CENPK: variants seen among roughly 807,000 people sequenced by gnomAD.
CENPK encodes centromere protein K.
In CENPK, 46 loss-of-function variants were observed where a neutral mutation model predicts 40.9. The observed-to-expected ratio is 1.13, with a 90% CI of 0.89 to 1.44. CENPK has a LOEUF of 1.44. Ranked by LOEUF, CENPK falls within the 40% of genes most tolerant of loss-of-function variation. The pLI, the probability that CENPK is intolerant of heterozygous loss-of-function variation, is 0.00. For synonymous variants in CENPK, 107 were observed against 104.4 expected, an observed-to-expected ratio of 1.02 and a Z score of -0.15; for missense variants, 288 against 303.5, an observed-to-expected ratio of 0.95 and a Z score of 0.38.
intron 6 of CENPK, among the ~76,000 whole-genome samples, chr5:65,533,318 C>G (rs999440211): frequency 1.2e-4 from 17 of 139,600 alleles, no homozygotes; most frequent in African/African-American, 4.4e-4. Context: ...CCATTGCACT[C>G]CAGCCTGGGT....
chr5:65,540,016 T>A (rs761135430), intron 6 of CENPK, among the ~76,000 whole-genome samples: 36 of 152,220 alleles, frequency 2.4e-4, no homozygotes, highest in Non-Finnish European at 4.9e-4. Context: ...TCTTCCATTG[T>A]CTTGAACAAC....
At chr5:65,559,858 AAGG>A (rs775070136) in intron 2 of CENPK, among the ~76,000 whole-genome samples, 12 of 152,076 alleles carry the variant, frequency 7.9e-5, no homozygotes, top group Non-Finnish European at 1.6e-4. Flanking sequence ...AAGGCAAATC[AAGG>A]AGAAAAAAAT....
downstream of CENPK, among the ~76,000 whole-genome samples, chr5:65,514,265 TTTTTTTA>T (rs1742708606): frequency 1.2e-4 from 9 of 76,020 alleles, no homozygotes; most frequent in African/African-American, 2.4e-4. Flanking sequence ...TTTTTTTAGT[TTTTTTTA>T]GTTTTTTTTG....
intron 2 of CENPK, among the ~76,000 whole-genome samples, chr5:65,555,578 G>C (rs1249354734): frequency 6.6e-6 from 1 of 152,224 alleles, no homozygotes; most frequent in Non-Finnish European, 1.5e-5. Flanking sequence ...ACTACAGGCA[G>C]TAAGGATAGA....
downstream of CENPK, among the ~76,000 whole-genome samples, chr5:65,514,813 T>C (rs1488829482): frequency 6.6e-6 from 1 of 152,236 alleles, no homozygotes; most frequent in East Asian, 1.9e-4. Flanking sequence ...AATTGGTCCA[T>C]TTCATCTGTT....
At chr5:65,507,582 C>T in the CENPK span, among the ~76,000 whole-genome samples, 2,227 of 152,234 alleles carry the variant, frequency 0.015, 48 homozygotes, top group African/African-American at 0.051. Flanking sequence ...TTCACCCCTC[C>T]CCACCTAAAG....
intron 2 of CENPK, chr5:65,561,175 A>T (rs1751884381): frequency 5.5e-6 from 1 of 181,180 alleles, no homozygotes; most frequent in African/African-American, 2.4e-5. Context: ...GTCAACTAGT[A>T]GAAGGCTGAA....
intron 9 of CENPK, among the ~76,000 whole-genome samples, chr5:65,527,451 ATAT>A (rs1217150806): frequency 7.1e-6 from 1 of 141,366 alleles, no homozygotes; most frequent in Non-Finnish European, 1.6e-5. Context: ...ATGATTAAAC[ATAT>A]TATTATTCAA....
At chr5:65,554,122 T>G (rs926399759) in intron 3 of CENPK, among the ~76,000 whole-genome samples, 1 of 152,056 alleles carries the variant, frequency 6.6e-6, no homozygotes, top group Non-Finnish European at 1.5e-5. Context: ...AATTATCCTT[T>G]AGAAATGAAA....
chr5:65,497,994 C>A, the CENPK span, among the ~76,000 whole-genome samples: 1 of 152,116 alleles, frequency 6.6e-6, no homozygotes, highest in South Asian at 2.1e-4. Context: ...CTGACAATAA[C>A]AAAAATGCCA....
chr5:65,521,790 G>A (rs1743815950), intron 9 of CENPK, among the ~76,000 whole-genome samples: 1 of 152,102 alleles, frequency 6.6e-6, no homozygotes, highest in Admixed American at 6.6e-5. Context: ...TAGTAGATAT[G>A]AGGTTTCACC....
At chr5:65,519,549 T>C (rs1394087476) in intron 10 of CENPK, among the ~76,000 whole-genome samples, 2 of 152,168 alleles carry the variant, frequency 1.3e-5, no homozygotes, top group African/African-American at 4.8e-5. Context: ...AGACTCCGTA[T>C]CTCTGAATTG....
At chr5:65,546,849 T>A (rs1258493014) in intron 5 of CENPK, among the ~76,000 whole-genome samples, 3 of 152,276 alleles carry the variant, frequency 2.0e-5, no homozygotes, top group Admixed American at 2.0e-4. Context: ...TGTGAGAAAA[T>A]TAATTTCTGT....
chr5:65,539,426 T>C (rs990362995), intron 6 of CENPK, among the ~76,000 whole-genome samples: 1 of 152,122 alleles, frequency 6.6e-6, no homozygotes, highest in Non-Finnish European at 1.5e-5. Context: ...GGGAGCGACA[T>C]AGGATAGACA....
In CENPK at chr5:65,521,662, G is replaced by A. The variant is rs868785906; in HGVS notation, c.598-134C>T. 21 of 637,440 alleles carry A rather than the reference G, an allele frequency of 3.3e-5. No individual in the cohort carries two copies. The Middle Eastern group carries it at 1.7e-3, about 51-fold the overall frequency. 39.5% of individuals were successfully genotyped at this position (637,440 alleles called of 1,614,324 possible). On this transcript the variant is annotated intron_variant, in intron 9 of 10. Coordinates refer to ENST00000396679, the MANE Select transcript of CENPK (RefSeq NM_022145.5). The stretch of plus-strand genomic sequence containing the variant: ...GGCGCCCAGGCTGGAGTGCAATGGC[G>A]CAATCTCGGTTCACTGCAACCTCCG...
the CENPK span, among the ~76,000 whole-genome samples, chr5:65,496,961 G>A: frequency 1.3e-5 from 2 of 152,058 alleles, no homozygotes; most frequent in Non-Finnish European, 2.9e-5. Flanking sequence ...GGAGGCTGAG[G>A]CAGAGAATTG....
chr5:65,553,556 A>G (rs1750489297), intron 3 of CENPK, among the ~76,000 whole-genome samples: 1 of 152,202 alleles, frequency 6.6e-6, no homozygotes, highest in Admixed American at 6.5e-5. Context: ...CATTTTCTAA[A>G]TTAATTAATG....
chr5:65,545,559 AACT>A (rs1317906137), intron 5 of CENPK, among the ~76,000 whole-genome samples: 3 of 152,190 alleles, frequency 2.0e-5, no homozygotes, highest in Admixed American at 2.0e-4. Context: ...GATAAAGAAA[AACT>A]ACGACAATTT....
chr5:65,555,154 C>T (rs533682986), intron 2 of CENPK: 14 of 268,570 alleles, frequency 5.2e-5, no homozygotes, highest in Non-Finnish European at 8.2e-5. Context: ...TTTATAAGTG[C>T]CATGGAGAAA....
Sources: gnomAD v4.1 joint callset for allele counts (sites outside exome capture counted in the v4.1 genomes callset) on GRCh38, gnomAD v4.1.1 for gene constraint, MANE v1.5 for transcripts, NCBI Gene and HGNC (gene_info 2026-07-23, HGNC 2026-07-21) for gene names.